MFF: variants seen among roughly 807,000 people sequenced by gnomAD.
MFF encodes mitochondrial fission factor, also known as chromosome 2 open reading frame 33.
Under a neutral mutation model 36.9 loss-of-function variants are expected in MFF, and 12 were observed. The observed-to-expected ratio is 0.33, with a 90% CI of 0.21 to 0.53. MFF has a LOEUF of 0.53. Ranked by LOEUF, MFF falls within the 20% of genes least tolerant of loss-of-function variation. The pLI, the probability that MFF is intolerant of heterozygous loss-of-function variation, is 0.95. For missense variants in MFF, 348 were observed against 366.6 expected, an observed-to-expected ratio of 0.95 and a Z score of 0.42; for synonymous variants, 99 against 126.2, an observed-to-expected ratio of 0.78 and a Z score of 1.44.
At chr2:227,332,264 G>T (rs577266125) in intron 3 of MFF, among the ~76,000 whole-genome samples, 155 bp from the exon 4 acceptor site, 1 of 152,142 alleles carries the variant, frequency 6.6e-6, no homozygotes, top group East Asian at 1.9e-4. Flanking sequence ...GAGCCACCGC[G>T]CCCGGCCTGG....
chr2:227,345,240 G>A (rs1331386827), intron 5 of MFF, among the ~76,000 whole-genome samples: 1 of 152,180 alleles, frequency 6.6e-6, no homozygotes. Context: ...TCTCTTAGAG[G>A]AAGTAACCCT....
intron 7 of MFF, among the ~76,000 whole-genome samples, chr2:227,353,812 A>C (rs2076126106): frequency 6.6e-6 from 1 of 152,162 alleles, no homozygotes; most frequent in South Asian, 2.1e-4. Context: ...ATTGTGAGTA[A>C]TCGCTTTCAT....
intron 6 of MFF, chr2:227,352,188 A>G: frequency 4.6e-6 from 1 of 216,302 alleles, no homozygotes; most frequent in Non-Finnish European, 9.2e-6. Context: ...GAAAGGAATT[A>G]CACTTTTTAA....
rs1574890929 is a variant in MFF, at chr2:227,330,681, C to T, written c.16C>T (p.Arg6Ter). The T allele has an allele frequency of 1.2e-6, 2 of 1,614,076 alleles. No homozygotes were observed. The highest frequency in any genetic ancestry group is 8.5e-7 in the Non-Finnish European group (1 of 1,179,972). The change falls in exon 3 of 9, where the codon CGA becomes TGA. Residue 6 changes from arginine (R) to a stop codon, truncating the protein, a stop_gained. Coordinates refer to ENST00000304593, the MANE Select transcript of MFF (RefSeq NM_001277062.2). LOFTEE classifies it high-confidence loss of function. The part of the protein sequence containing the change: MAEIS[R>*]IQYEMEYTEG... ...TGCTGCTGAGATGGCAGAAATTAGTCGAATTCAGTACGAAATGGAATATAC... is the reference window on the plus strand; with the variant it reads ...TGCTGCTGAGATGGCAGAAATTAGTTGAATTCAGTACGAAATGGAATATAC...
In MFF at chr2:227,350,616, T is replaced by G. The variant is rs551501654; in HGVS notation, c.600-1898T>G. ...GGATACAGCGTTTGTTATTTATAAT[T>G]TTTCTCTTTAAAAAAGTGTATAATT... On this transcript the variant is annotated intron_variant, in intron 6 of 8. Transcript: ENST00000304593. Among the ~76,000 whole-genome samples, 160 of 152,272 alleles carry G rather than the reference T, an allele frequency of 1.1e-3. 2 individuals carry two copies. In the Middle Eastern group the frequency reaches 0.014, roughly 13 times the overall value.
At chr2:227,343,938 C>T (rs1005863221) in intron 5 of MFF, among the ~76,000 whole-genome samples, 13 of 152,144 alleles carry the variant, frequency 8.5e-5, no homozygotes, top group African/African-American at 3.1e-4. Flanking sequence ...CAGGCACATG[C>T]CACCATGCCC....
chr2:227,350,706 T>C (rs925229385), intron 6 of MFF, among the ~76,000 whole-genome samples: 4 of 152,178 alleles, frequency 2.6e-5, no homozygotes, highest in Admixed American at 6.5e-5. Context: ...GAAACACATA[T>C]TCTGTTACGT....
rs1224678071 is a variant in MFF at position 227,330,932 on chromosome 2, T to G, written c.181+86T>G. 22 of 1,123,592 alleles carry G rather than the reference T, an allele frequency of 2.0e-5. No homozygotes were observed. In the Admixed American group the frequency reaches 5.0e-4, roughly 26 times the overall value. The allele number at this position is 1,123,592 out of a possible 1,614,324, so 69.6% of individuals were successfully genotyped here. ...AACTTTTGAGTTTTTCTAAATGTTA[T>G]TTAGAAAAGGAGTTGGAAAATGCAA... On this transcript the variant is annotated intron_variant, in intron 3 of 8. Transcript: ENST00000304593.
chr2:227,347,149 A>G lies in MFF; in HGVS notation c.441-77A>G, dbSNP rs1031707557. Reference sequence around the variant, plus strand: ...GCAAGAACACTAAGAAAATTAAGATAAAGACTGCTCAGCTGAAGTTTTATA... The same window carrying G: ...GCAAGAACACTAAGAAAATTAAGATGAAGACTGCTCAGCTGAAGTTTTATA... On this transcript the variant is annotated intron_variant, in intron 5 of 8. Coordinates refer to ENST00000304593, the MANE Select transcript of MFF (RefSeq NM_001277062.2). The G allele has an allele frequency of 2.3e-6, 3 of 1,319,390 alleles. No individual in the cohort carries two copies. The East Asian group carries it at 7.0e-5, about 31-fold the overall frequency. 81.7% of individuals were successfully genotyped at this position (1,319,390 alleles called of 1,614,324 possible).
At chr2:227,330,533 G>A (rs1177333374) in intron 2 of MFF, 93 bp from the exon 3 acceptor site, 16 of 772,036 alleles carry the variant, frequency 2.1e-5, no homozygotes, top group South Asian at 1.9e-4. Context: ...GTTTCCTTTC[G>A]CTCTTTCTAT....
At position 227,330,765 on chromosome 2, in the gene MFF, G is replaced by A. The variant is rs761050481; in HGVS notation, c.100G>A (p.Ala34Thr). Residue 34 changes from alanine to threonine, a missense_variant, in exon 3 of 9, where the codon GCT (alanine) becomes ACT (threonine). Transcript: ENST00000304593. Reference protein sequence around the residue: ...PEKLKVAPPNADLEQGFQEGV... With the variant: ...PEKLKVAPPNTDLEQGFQEGV... The stretch of plus-strand genomic sequence containing the variant: ...AAAGTTAAAAGTAGCACCGCCAAAC[G>A]CTGACCTGGAACAAGGATTCCAAGA... 28 of 1,614,064 alleles carry A rather than the reference G, an allele frequency of 1.7e-5. No individual in the cohort carries two copies. The highest frequency in any genetic ancestry group is 2.2e-5 in the East Asian group (1 of 44,890).
intron 4 of MFF, among the ~76,000 whole-genome samples, chr2:227,339,917 C>G (rs1435435370): frequency 1.3e-5 from 2 of 152,128 alleles, no homozygotes; most frequent in Admixed American, 6.5e-5. Flanking sequence ...CAGATGCTCT[C>G]CATTTCCTAT....
intron 7 of MFF, among the ~76,000 whole-genome samples, 187 bp downstream of exon 7, chr2:227,352,760 G>A (rs1286319791): frequency 6.6e-6 from 1 of 152,150 alleles, no homozygotes; most frequent in Non-Finnish European, 1.5e-5. Flanking sequence ...TGGCCAATTA[G>A]TATGAGGGAA....
intron 7 of MFF, among the ~76,000 whole-genome samples, chr2:227,352,940 T>A (rs1016997451): frequency 1.3e-5 from 2 of 152,230 alleles, no homozygotes; most frequent in Non-Finnish European, 2.9e-5. Context: ...CATTTCCTTT[T>A]AAGTTGTTAA....
chr2:227,350,344 A>G (rs1226359371), intron 6 of MFF, among the ~76,000 whole-genome samples: 1 of 152,128 alleles, frequency 6.6e-6, no homozygotes, highest in Non-Finnish European at 1.5e-5. Flanking sequence ...TTTACAATGT[A>G]AAATATTCGC....
At chr2:227,329,691 C>T in intron 2 of MFF, 1 of 1,274,094 alleles carries the variant, frequency 7.8e-7, no homozygotes, top group Non-Finnish European at 1.1e-6. Context: ...GTAAACTGAA[C>T]TGCAGGGTAG....
At chr2:227,328,826 GTC>G (rs2074364330) in intron 2 of MFF, 37 bp downstream of exon 2, 1 of 123,976 alleles carries the variant, frequency 8.1e-6, no homozygotes, top group Non-Finnish European at 1.6e-5. Context: ...TACTTTCTTA[GTC>G]TTTAAATCGT....
At chr2:227,330,103 G>C in intron 2 of MFF, 1 of 209,750 alleles carries the variant, frequency 4.8e-6, no homozygotes, top group East Asian at 1.1e-4. Flanking sequence ...TCAGGGAGTT[G>C]CATCTTCTTT....
At chr2:227,343,449 A>G (rs535492754) in intron 5 of MFF, among the ~76,000 whole-genome samples, 6 of 152,304 alleles carry the variant, frequency 3.9e-5, no homozygotes, top group Middle Eastern at 3.4e-3. Context: ...GAAAGCCAAC[A>G]GTTTTCCTCT....
Sources: allele counts gnomAD v4.1 joint callset (sites outside exome capture counted in the v4.1 genomes callset), GRCh38; gene constraint gnomAD v4.1.1; transcripts MANE v1.5; gene names NCBI Gene and HGNC (gene_info 2026-07-23, HGNC 2026-07-21).